Variants in GRHL2 observed in about 807,000 individuals in gnomAD.
The protein encoded by GRHL2 is grainyhead-like protein 2 homolog.
A neutral mutation model predicts 83.8 loss-of-function variants in GRHL2; 21 were observed. The ratio of observed to expected loss-of-function variants is 0.25; its 90% CI spans 0.18 to 0.36. The LOEUF (loss-of-function observed/expected upper bound fraction) is 0.36, where lower values mean the gene tolerates loss of function less well. Ranked by LOEUF, GRHL2 falls within the 10% of genes least tolerant of loss-of-function variation. GRHL2 has a pLI of 1.00. For synonymous variants in GRHL2, 280 were observed against 278.9 expected (o/e 1.00, Z -0.04); for missense variants, 623 against 781.8 (o/e 0.80, Z 2.42).
At chr8:101,671,185 T>C (rs758194906), downstream of GRHL2, among the ~76,000 whole-genome samples, 2 of 152,136 alleles carry the variant, frequency 1.3e-5, no homozygotes, top group Non-Finnish European at 2.9e-5. Flanking sequence ...GGACAGTAGG[T>C]GCAGTGCACC....
intron 9 of GRHL2, among the ~76,000 whole-genome samples, chr8:101,631,397 A>C (rs980280850): frequency 1.3e-5 from 2 of 152,224 alleles, no homozygotes; most frequent in Non-Finnish European, 1.5e-5. Flanking sequence ...GAAAGATACC[A>C]AAAAAGGAGA....
rs1810073212 is a variant in GRHL2 at position 101,495,232 on chromosome 8, T to C, written c.20+2443T>C. Among the ~76,000 whole-genome samples, 3 of 152,212 alleles carry C rather than the reference T, an allele frequency of 2.0e-5. No individual in the cohort carries two copies. In the South Asian group the frequency reaches 6.2e-4, roughly 31 times the overall value. On this transcript the variant is annotated intron_variant, in intron 1 of 15. Transcript: ENST00000646743. ...CCACCTTACGAGGCCTGCCTGTAGT[T>C]TCTGGAAATAACATGAACGAACACA...
intron 1 of GRHL2, among the ~76,000 whole-genome samples, chr8:101,522,734 T>TATACATATACATATACAC (rs1810712697): frequency 6.7e-6 from 1 of 148,972 alleles, no homozygotes; most frequent in Non-Finnish European, 1.5e-5. Flanking sequence ...TACATATACA[T>TATACATATACATATACAC]ATACATATAT....
At chr8:101,665,497 G>C (rs1814030111) in intron 15 of GRHL2, among the ~76,000 whole-genome samples, 1 of 152,174 alleles carries the variant, frequency 6.6e-6, no homozygotes, top group Non-Finnish European at 1.5e-5. Flanking sequence ...AGCTCTTGTT[G>C]GAAGATTCAC....
At chr8:101,676,129 C>A in the GRHL2 span, among the ~76,000 whole-genome samples, 27 of 151,502 alleles carry the variant, frequency 1.8e-4, no homozygotes, top group South Asian at 3.4e-3. Context: ...CTAGGCATTA[C>A]CATTCAGGAC....
chr8:101,599,210 ATT>A, intron 8 of GRHL2, 59 bp downstream of exon 8: 6 of 1,142,812 alleles, frequency 5.3e-6, no homozygotes, highest in Non-Finnish European at 7.9e-6. Flanking sequence ...TCAGCAGTTT[ATT>A]CTTTTTTAAA....
intron 1 of GRHL2, among the ~76,000 whole-genome samples, chr8:101,516,685 G>A (rs1324757975): frequency 6.6e-6 from 1 of 152,126 alleles, no homozygotes; most frequent in East Asian, 1.9e-4. Flanking sequence ...GGGATTACAG[G>A]CATGAGCCAC....
At chr8:101,632,146 C>T (rs1563616985) in intron 10 of GRHL2, 80 bp from the exon 11 acceptor site, 1 of 1,473,018 alleles carries the variant, frequency 6.8e-7, no homozygotes, top group Non-Finnish European at 9.5e-7. Context: ...ATGAGAAAAT[C>T]GTGGACTTTA....
In GRHL2 at chr8:101,543,368, G is replaced by T; in HGVS notation, c.148G>T (p.Ala50Ser). 1 of 1,614,124 alleles carries T rather than the reference G, an allele frequency of 6.2e-7. No individual in the cohort carries two copies. The highest frequency in any genetic ancestry group is 8.5e-7 in the Non-Finnish European group (1 of 1,179,978). ...LENPLTAATK[A>S]MMSINGDEDS... The stretch of plus-strand genomic sequence containing the variant: ...GAATCCCCTGACAGCAGCCACCAAG[G>T]CCATGATGAGCATTAATGGTGATGA... Residue 50 changes from alanine (A) to serine (S), a missense_variant, in exon 2 of 16, where the codon GCC becomes TCC. Physicochemically the swap from Ala to Ser is moderately conservative, Grantham distance 99. Coordinates refer to ENST00000646743, the MANE Select transcript of GRHL2 (RefSeq NM_024915.4).
intron 7 of GRHL2, among the ~76,000 whole-genome samples, chr8:101,595,905 G>T (rs1812380459): frequency 6.6e-6 from 1 of 152,058 alleles, no homozygotes; most frequent in South Asian, 2.1e-4. Flanking sequence ...TGGATCACGA[G>T]GTCAGGAGAT....
intron 4 of GRHL2, among the ~76,000 whole-genome samples, chr8:101,559,353 C>CAAAAAAAAAAAAAAAAA (rs34176940): frequency 3.4e-5 from 3 of 88,966 alleles, no homozygotes; most frequent in African/African-American, 1.2e-4. Flanking sequence ...ACTAAAAATA[C>CAAAAAAAAAAAAAAAAA]AAAAAAAAAA....
intron 14 of GRHL2, among the ~76,000 whole-genome samples, chr8:101,654,061 G>A (rs1343447989): frequency 6.6e-6 from 1 of 152,276 alleles, no homozygotes; most frequent in Admixed American, 6.5e-5. Context: ...TTTCATAACC[G>A]CATCGCAGCG....
At chr8:101,553,606 T>TTCAAAC (rs1811430945) in intron 3 of GRHL2, among the ~76,000 whole-genome samples, 1 of 151,436 alleles carries the variant, frequency 6.6e-6, no homozygotes, top group South Asian at 2.1e-4. Flanking sequence ...AGCTACTTCT[T>TTCAAAC]TCAAACTCAT....
At chr8:101,602,096 G>A (rs1042850183) in intron 8 of GRHL2, among the ~76,000 whole-genome samples, 4 of 152,134 alleles carry the variant, frequency 2.6e-5, no homozygotes, top group African/African-American at 7.2e-5. Flanking sequence ...CTGTTCCTGT[G>A]TTAGTTACTG....
intron 7 of GRHL2, among the ~76,000 whole-genome samples, chr8:101,597,922 C>T (rs1467368695): frequency 6.6e-6 from 1 of 151,680 alleles, no homozygotes; most frequent in African/African-American, 2.4e-5. Flanking sequence ...AGATGAAATA[C>T]AGAGTGCCAG....
chr8:101,581,178 C>T (rs1395825087), intron 7 of GRHL2, among the ~76,000 whole-genome samples: 1 of 152,212 alleles, frequency 6.6e-6, no homozygotes, highest in East Asian at 1.9e-4. Context: ...GGACGTTTTG[C>T]AGTCTGAGTG....
intron 5 of GRHL2, 48 bp downstream of exon 5, chr8:101,570,442 C>T (rs1226465435): frequency 2.7e-5 from 38 of 1,415,704 alleles, no homozygotes; most frequent in Non-Finnish European, 3.5e-5. Context: ...ACTGATAAAC[C>T]TTTAAATGTA....
intron 1 of GRHL2, among the ~76,000 whole-genome samples, chr8:101,515,733 C>T (rs1459252458): frequency 6.6e-6 from 1 of 152,276 alleles, no homozygotes; most frequent in Admixed American, 6.5e-5. Flanking sequence ...CTCTTCCCTT[C>T]CTCTCTGGCG....
At chr8:101,518,425 A>C (rs998145343) in intron 1 of GRHL2, among the ~76,000 whole-genome samples, 63 of 152,248 alleles carry the variant, frequency 4.1e-4, no homozygotes, top group African/African-American at 1.4e-3. Flanking sequence ...GAAAGGAAAA[A>C]ATAAATAAAA....
Sources: allele counts gnomAD v4.1 joint callset (sites outside exome capture counted in the v4.1 genomes callset), GRCh38; gene constraint gnomAD v4.1.1; transcripts MANE v1.5; gene names NCBI Gene and HGNC (gene_info 2026-07-23, HGNC 2026-07-21).